Variants in SHISA6 observed in about 807,000 individuals in gnomAD.
SHISA6 encodes the protein protein shisa-6.
In SHISA6, 22 loss-of-function variants were observed where a neutral mutation model predicts 47.9. That is an observed-to-expected ratio of 0.46 (90% CI 0.33 to 0.66). The LOEUF is 0.66. Ranked by LOEUF, SHISA6 falls within the 30% of genes least tolerant of loss-of-function variation. The pLI is 0.02. For synonymous variants in SHISA6, 388 were observed against 337.8 expected (o/e 1.15, Z -1.63); for missense variants, 680 against 764.6 (o/e 0.89, Z 1.30).
intron 3 of SHISA6, among the ~76,000 whole-genome samples, chr17:11,537,307 T>C (rs1309225873): frequency 1.3e-5 from 2 of 152,022 alleles, no homozygotes; most frequent in Admixed American, 6.5e-5. Flanking sequence ...AGCACAGGAA[T>C]CAGTGACCTC....
chr17:11,448,177 T>TC (rs1332516626), intron 3 of SHISA6, among the ~76,000 whole-genome samples: 1 of 152,092 alleles, frequency 6.6e-6, no homozygotes, highest in East Asian at 1.9e-4. Flanking sequence ...TCTGGGAACT[T>TC]CCCCTACATG....
chr17:11,551,541 C>T (rs1001262546), intron 3 of SHISA6, among the ~76,000 whole-genome samples: 3 of 152,122 alleles, frequency 2.0e-5, no homozygotes, highest in South Asian at 2.1e-4. Flanking sequence ...TCTGCTTCCC[C>T]GGCTTAGTTC....
intron 2 of SHISA6, among the ~76,000 whole-genome samples, chr17:11,342,983 T>A (rs973042731): frequency 1.3e-5 from 2 of 152,148 alleles, no homozygotes; most frequent in Non-Finnish European, 2.9e-5. Flanking sequence ...GAGGTTAACA[T>A]ACCCACACCC....
chr17:11,542,571 G>A (rs1479178433), intron 3 of SHISA6, among the ~76,000 whole-genome samples: 1 of 151,994 alleles, frequency 6.6e-6, no homozygotes, highest in African/African-American at 2.4e-5. Context: ...TAGAATATTG[G>A]TGGGGATGAG....
At chr17:11,350,190 T>TA (rs1911834622) in intron 2 of SHISA6, among the ~76,000 whole-genome samples, 2 of 113,516 alleles carry the variant, frequency 1.8e-5, no homozygotes, top group African/African-American at 7.4e-5. Flanking sequence ...TTATTTTTTT[T>TA]TTTTTTTGAG....
intron 3 of SHISA6, among the ~76,000 whole-genome samples, chr17:11,402,717 C>G (rs4485405): frequency 6.6e-6 from 1 of 151,782 alleles, no homozygotes; most frequent in Non-Finnish European, 1.5e-5. Flanking sequence ...AGCAAGGAAA[C>G]ATATTCTTTC....
chr17:11,482,903 CTACT>C (rs1380661846), intron 3 of SHISA6, among the ~76,000 whole-genome samples: 1 of 151,912 alleles, frequency 6.6e-6, no homozygotes, highest in Non-Finnish European at 1.5e-5. Context: ...TCAAAAGTAA[CTACT>C]TATAGAGTTA....
At chr17:11,459,870 A>G (rs1915652451) in intron 3 of SHISA6, among the ~76,000 whole-genome samples, 1 of 152,230 alleles carries the variant, frequency 6.6e-6, no homozygotes, top group Non-Finnish European at 1.5e-5. Flanking sequence ...AAGTCCCTGC[A>G]GTGGTTGCAG....
In SHISA6 at chr17:11,357,080, A is replaced by C. The variant is rs544887776; in HGVS notation, c.800-22334A>C. Among the ~76,000 whole-genome samples, 18 of 149,696 alleles carry C rather than the reference A, an allele frequency of 1.2e-4. 1 individual carries two copies. In the East Asian group the frequency reaches 3.3e-3, roughly 27 times the overall value. ...GGCACCACCTGTAATCCCAGCTACT[A>C]GGGAGGCTGAGGCAGGAGAATGGCG... On this transcript the variant is annotated intron_variant, in intron 2 of 5. Transcript: ENST00000441885.
chr17:11,255,256 T>C (rs926961003), intron 1 of SHISA6, among the ~76,000 whole-genome samples: 8 of 152,144 alleles, frequency 5.3e-5, no homozygotes, highest in African/African-American at 1.9e-4. Context: ...ATATTTGCAT[T>C]AGTGTGAAGA....
At chr17:11,371,320 G>T (rs1041207790) in intron 2 of SHISA6, among the ~76,000 whole-genome samples, 5 of 152,106 alleles carry the variant, frequency 3.3e-5, no homozygotes, top group Admixed American at 6.5e-5. Flanking sequence ...GAGCCCTGGG[G>T]CTTCCTCAGG....
In SHISA6 at chr17:11,451,973, T is replaced by C. The variant is rs151110599; in HGVS notation, c.895+72464T>C. Among the ~76,000 whole-genome samples the C allele has an allele frequency of 4.1e-3, 618 of 152,314 alleles. 1 individual carries two copies. The highest frequency in any genetic ancestry group is 0.013 in the African/African-American group (558 of 41,574). On this transcript the variant is annotated intron_variant, in intron 3 of 5. Coordinates refer to ENST00000441885, the MANE Select transcript of SHISA6 (RefSeq NM_207386.4). ...GAACTCAACAGAAAGGTCCTTTAGC[T>C]CTGAAAGTCTGTGGTTTACCATCAA...
At position 11,361,185 on chromosome 17, in the gene SHISA6, C is replaced by T. The variant is rs1030098658; in HGVS notation, c.800-18229C>T. 4.0e-5 allele frequency among the ~76,000 whole-genome samples: 6 copies of T among 151,648 alleles called. No individual in the cohort carries two copies. In the South Asian group the frequency reaches 8.3e-4, roughly 21 times the overall value. On this transcript the variant is annotated intron_variant, in intron 2 of 5. Coordinates refer to ENST00000441885, the MANE Select transcript of SHISA6 (RefSeq NM_207386.4). The stretch of plus-strand genomic sequence containing the variant: ...TTCAAAATGTCTTGTCTCTTCCCTA[C>T]GTTAGTTTTTTTTTCCAGATAGATT...
At chr17:11,412,690 G>C (rs146007291) in intron 3 of SHISA6, among the ~76,000 whole-genome samples, 68 of 152,018 alleles carry the variant, frequency 4.5e-4, no homozygotes, top group East Asian at 3.5e-3. Context: ...TACAGGCACC[G>C]GCCACCGTGC....
intron 3 of SHISA6, among the ~76,000 whole-genome samples, chr17:11,428,742 A>G (rs990903873): frequency 1.3e-5 from 2 of 149,956 alleles, no homozygotes; most frequent in Non-Finnish European, 3.0e-5. Flanking sequence ...CTGGGGCTAC[A>G]GTCTTCTGAA....
At chr17:11,425,006 C>CAAAAAAA (rs34270452) in intron 3 of SHISA6, among the ~76,000 whole-genome samples, 3 of 70,046 alleles carry the variant, frequency 4.3e-5, no homozygotes, top group Non-Finnish European at 8.2e-5. Context: ...TACTCCGTCT[C>CAAAAAAA]AAAAAAAAAA....
intron 3 of SHISA6, among the ~76,000 whole-genome samples, chr17:11,481,222 T>C (rs977670240): frequency 2.0e-5 from 3 of 151,716 alleles, no homozygotes; most frequent in Non-Finnish European, 2.9e-5. Context: ...GAGGTTGCAG[T>C]GAGCCAAGAT....
intron 1 of SHISA6, among the ~76,000 whole-genome samples, chr17:11,261,846 T>C (rs971966548): frequency 2.0e-5 from 3 of 152,222 alleles, no homozygotes. Flanking sequence ...CTGGGCCATA[T>C]GTTAATTCTG....
At position 11,300,493 on chromosome 17, in the gene SHISA6, G is replaced by A. The variant is rs73976934; in HGVS notation, c.799+36967G>A. On this transcript the variant is annotated intron_variant, in intron 2 of 5. Transcript: ENST00000441885. ...CCCTGTCAGTTGACCCGAACTGTCA[G>A]GCACGATGAAGCCTGTGGGCCATTT... Among the ~76,000 whole-genome samples, 929 of 152,262 alleles carry A rather than the reference G, an allele frequency of 6.1e-3. 12 individuals are homozygous for A. The highest frequency in any genetic ancestry group is 0.021 in the African/African-American group (879 of 41,548).
Sources: gnomAD v4.1 joint callset for allele counts (sites outside exome capture counted in the v4.1 genomes callset) on GRCh38, gnomAD v4.1.1 for gene constraint, MANE v1.5 for transcripts, NCBI Gene and HGNC (gene_info 2026-07-23, HGNC 2026-07-21) for gene names.